ESYT1: variants seen among roughly 807,000 people sequenced by gnomAD.
ESYT1 encodes extended synaptotagmin 1, also known as extended synaptotagmin-1.
ESYT1 carries 116 observed loss-of-function variants against 154.2 expected under a neutral mutation model. The ratio of observed to expected loss-of-function variants is 0.75; its 90% CI spans 0.65 to 0.88. ESYT1 has a LOEUF of 0.88. Ranked by LOEUF, ESYT1 falls within the 40% of genes least tolerant of loss-of-function variation. ESYT1 has a pLI of 0.00. For missense variants in ESYT1, 1,264 were observed against 1,379.3 expected (o/e 0.92, Z 1.32); for synonymous variants, 500 against 539.9 (o/e 0.93, Z 1.02).
chr12:56,142,618 A>C lies in ESYT1; in HGVS notation c.2774A>C (p.His925Pro), dbSNP rs752752011. ...SQHSGVEAHS[H>P]SYSHSSSSLS... ...CACTCGGGAGTGGAAGCTCATAGCC[A>C]CAGCTACAGCCACAGCTCCTCATCG... Residue 925 changes from histidine (H) to proline (P), a missense_variant, in exon 26 of 31, where the codon CAC becomes CCC. Coordinates refer to ENST00000394048, the MANE Select transcript of ESYT1 (RefSeq NM_015292.3). This position sits in a 1 kb window ranked among gnomAD's most constrained non-coding sequence, Gnocchi z 4.1. 6.2e-7 allele frequency: 1 copy of C among 1,614,062 alleles called. No homozygotes were observed. Among genetic ancestry groups the C allele is most frequent in the Admixed American group, 1.7e-5 (1 of 60,020 alleles).
chr12:56,137,776 G>T, intron 18 of ESYT1, 56 bp from the exon 19 acceptor site: 1 of 1,611,454 alleles, frequency 6.2e-7, no homozygotes, highest in Non-Finnish European at 8.5e-7. Context: ...GGGGGGTCCA[G>T]TCATTTGCAG....
intron 18 of ESYT1, 66 bp from the exon 19 acceptor site, chr12:56,137,766 G>C: frequency 6.2e-7 from 1 of 1,607,880 alleles, no homozygotes; most frequent in Non-Finnish European, 8.5e-7. Context: ...TCAGTTGACT[G>C]GGGGGTCCAG....
At chr12:56,143,190 A>G in intron 28 of ESYT1, 38 bp from the exon 29 acceptor site, 1 of 1,614,088 alleles carries the variant, frequency 6.2e-7, no homozygotes, top group Non-Finnish European at 8.5e-7. Context: ...GCAGGCTTGG[A>G]AAGGACTCCT....
At position 56,136,880 on chromosome 12, in the gene ESYT1, A is replaced by G. The variant is rs1271470470; in HGVS notation, c.1769A>G (p.Lys590Arg). 6.2e-7 allele frequency: 1 copy of G among 1,602,214 alleles called. No homozygotes were observed. The highest frequency in any genetic ancestry group is 1.1e-5 in the South Asian group (1 of 89,872). The stretch of plus-strand genomic sequence containing the variant: ...GGTCCAAACTCCAGACTCTATATGA[A>G]ACTAGTCATGAGGGTATGGAAATAG... ...SSGPNSRLYM[K>R]LVMRILYLDS... The change falls in exon 16 of 31, where the codon AAA becomes AGA. Residue 590 changes from lysine (K) to arginine (R), a missense_variant. Physicochemically the swap from Lys to Arg is conservative, Grantham distance 26. Coordinates refer to ENST00000394048, the MANE Select transcript of ESYT1 (RefSeq NM_015292.3).
chr12:56,143,539 TAAAAG>T (rs760240955), intron 29 of ESYT1, 36 bp from the exon 30 acceptor site: 56 of 1,612,006 alleles, frequency 3.5e-5, no homozygotes, highest in Non-Finnish European at 4.7e-5. Context: ...TCTCAAAAAA[TAAAAG>T]AAATAACATC....
At chr12:56,136,609 A>G (rs1870466829) in intron 15 of ESYT1, 135 bp from the exon 16 acceptor site, 2 of 671,632 alleles carry the variant, frequency 3.0e-6, no homozygotes, top group South Asian at 5.2e-5. Context: ...AAAAAAAAAA[A>G]AGATGGCCCT....
At position 56,138,210 on chromosome 12, in the gene ESYT1, G is replaced by A; in HGVS notation, c.2275G>A (p.Gly759Ser). Residue 759 changes from glycine (G) to serine (S), a missense_variant, in exon 21 of 31, where the codon GGC (glycine) becomes AGC (serine). Transcript: ENST00000394048. Reference protein sequence around the residue: ...EWLTLEDVPSGRLHLRLERLT... With the variant: ...EWLTLEDVPSSRLHLRLERLT... ...GCTGACCCTGGAGGATGTCCCATCT[G>A]GCCGCCTGCACTTGCGCCTGGAGCG... 6.2e-7 allele frequency: 1 copy of A among 1,614,182 alleles called. No individual in the cohort carries two copies. Among genetic ancestry groups the A allele is most frequent in the Non-Finnish European group, 8.5e-7 (1 of 1,180,016 alleles).
chr12:56,131,612 G>A, intron 6 of ESYT1, 46 bp downstream of exon 6: 2 of 1,609,102 alleles, frequency 1.2e-6, no homozygotes, highest in South Asian at 1.1e-5. Context: ...GAGAAACAGA[G>A]GACTGGGAGG....
rs1870478172 is a variant in ESYT1, at chr12:56,136,839, C to T, written c.1728C>T (p.Phe576=). ...CAGAACTCATCCTGGACCAGTGGTT[C>T]CAGCTCAGCAGCTCTGGTCCAAACT... ...TAPELILDQW[F]QLSSSGPNSR... is the part of the protein sequence containing the mutation. Residue 576 remains phenylalanine, a synonymous_variant, in exon 16 of 31, where the codon TTC becomes TTT. Coordinates refer to ENST00000394048, the MANE Select transcript of ESYT1 (RefSeq NM_015292.3). 6.2e-7 allele frequency: 1 copy of T among 1,612,648 alleles called. No individual in the cohort carries two copies. Among genetic ancestry groups the T allele is most frequent in the African/African-American group, 1.3e-5 (1 of 74,914 alleles).
rs779757391 is a variant in ESYT1 at position 56,142,656 on chromosome 12, C to G, written c.2812C>G (p.Pro938Ala). Residue 938 changes from proline to alanine, a missense_variant, in exon 26 of 31, where the codon CCA (proline) becomes GCA (alanine). Pro to Ala is a conservative substitution (Grantham distance 27). Transcript: ENST00000394048. This position sits in a 1 kb window ranked among gnomAD's most constrained non-coding sequence, Gnocchi z 4.1. ...CAGCTCCTCATCGCTGAGTGAAGAA[C>G]CAGAGCTCTCGGGGGGACCCCCTCA... The part of the protein sequence containing the change: ...SHSSSSLSEE[P>A]ELSGGPPHIT... 3.1e-6 allele frequency: 5 copies of G among 1,614,108 alleles called. 1 individual carries two copies. In the South Asian group the frequency reaches 5.5e-5, roughly 18 times the overall value.
At position 56,143,836 on chromosome 12, in the gene ESYT1, GACA is replaced by G. The variant is rs761689208; in HGVS notation, c.3294_3296del (p.Asn1098del). The G allele has an allele frequency of 3.1e-6, 5 of 1,613,826 alleles. No homozygotes were observed. The highest frequency in any genetic ancestry group is 2.2e-5 in the East Asian group (1 of 44,892). ...CTCTTTTCACAGGTATGACCTGATG[GACA>G]ACAAGGACAAGGGCAGCTCCTAGGA... is the stretch of plus-strand genomic sequence containing the variant. On this transcript the variant is annotated inframe_deletion, in exon 31 of 31. Coordinates refer to ENST00000394048, the MANE Select transcript of ESYT1 (RefSeq NM_015292.3).
At chr12:56,140,060 G>T (rs1166185575) in intron 24 of ESYT1, among the ~76,000 whole-genome samples, 4 of 151,962 alleles carry the variant, frequency 2.6e-5, no homozygotes, top group African/African-American at 9.7e-5. Flanking sequence ...TGGAGATGAG[G>T]TTTTACCATG....
chr12:56,128,767 G>A, intron 1 of ESYT1, 58 bp downstream of exon 1: 1 of 1,598,520 alleles, frequency 6.3e-7, no homozygotes, highest in Non-Finnish European at 8.5e-7. Flanking sequence ...CCTTCCATCT[G>A]GGGCTTTTCC....
intron 21 of ESYT1, 29 bp downstream of exon 21, chr12:56,138,301 G>A (rs1565875565): frequency 1.2e-6 from 2 of 1,613,620 alleles, no homozygotes; most frequent in African/African-American, 2.7e-5. Flanking sequence ...GGAAGGAAGG[G>A]ACCCAAGGTG....
At chr12:56,139,718 C>T (rs1870613701) in intron 24 of ESYT1, among the ~76,000 whole-genome samples, 1 of 151,626 alleles carries the variant, frequency 6.6e-6, no homozygotes, top group Non-Finnish European at 1.5e-5. Context: ...GCCTCAGCCT[C>T]CCGCGTACCT....
At chr12:56,143,483 A>G (rs1041305148) in intron 29 of ESYT1, 97 bp from the exon 30 acceptor site, 2 of 1,555,918 alleles carry the variant, frequency 1.3e-6, no homozygotes, top group African/African-American at 2.7e-5. Context: ...ATGAAGGAAC[A>G]TGGTCTTTGG....
At chr12:56,134,085 G>T (rs780391661) in intron 13 of ESYT1, 25 bp from the exon 14 acceptor site, 2 of 1,613,702 alleles carry the variant, frequency 1.2e-6, no homozygotes, top group South Asian at 2.2e-5. Flanking sequence ...CCAAGATGGT[G>T]ACCTCTGAAT....
chr12:56,143,704 A>G, intron 30 of ESYT1, 75 bp downstream of exon 30: 2 of 1,611,068 alleles, frequency 1.2e-6, no homozygotes, highest in Non-Finnish European at 1.7e-6. Context: ...AAGGAAAAAA[A>G]GATACAATCT....
At position 56,142,857 on chromosome 12, in the gene ESYT1, C is replaced by T. The variant is rs752117469; in HGVS notation, c.2911C>T (p.Pro971Ser). The part of the protein sequence containing the change: ...VDSPLEAPAG[P>S]LGQVKLTLWY... ...CAGTCCCCTTGAGGCTCCAGCCGGG[C>T]CTCTGGGCCAGGTGAAACTGACTCT... Residue 971 changes from proline to serine, a missense_variant, in exon 27 of 31, where the codon CCT (proline) becomes TCT (serine). Transcript: ENST00000394048. The surrounding 1 kb of genome is among the most constrained non-coding windows in gnomAD (Gnocchi z 4.1). 5.6e-6 allele frequency: 9 copies of T among 1,614,124 alleles called. No homozygotes were observed. The African/African-American group carries it at 9.3e-5, about 17-fold the overall frequency.
Sources: allele counts gnomAD v4.1 joint callset (sites outside exome capture counted in the v4.1 genomes callset), GRCh38; gene constraint gnomAD v4.1.1; non-coding constraint Gnocchi (gnomAD v3.1); transcripts MANE v1.5; gene names NCBI Gene and HGNC (gene_info 2026-07-23, HGNC 2026-07-21).